PDE1A: variants seen among roughly 807,000 people sequenced by gnomAD.
PDE1A encodes phosphodiesterase 1A, also known as dual specificity calcium/calmodulin-dependent 3',5'-cyclic nucleotide phosphodiesterase 1A.
Under a neutral mutation model 61.7 loss-of-function variants are expected in PDE1A, and 35 were observed. The observed-to-expected ratio is 0.57, with a 90% CI of 0.43 to 0.75. The LOEUF is 0.75. Ranked by LOEUF, PDE1A falls within the 30% of genes least tolerant of loss-of-function variation. The pLI, the probability that PDE1A is intolerant of heterozygous loss-of-function variation, is 0.00. For missense variants in PDE1A, 597 were observed against 630.6 expected, an observed-to-expected ratio of 0.95 and a Z score of 0.57; for synonymous variants, 232 against 213.2, an observed-to-expected ratio of 1.09 and a Z score of -0.77.
the PDE1A span, among the ~76,000 whole-genome samples, chr2:182,567,779 TTTTC>T: frequency 6.6e-6 from 1 of 151,470 alleles, no homozygotes; most frequent in Non-Finnish European, 1.5e-5. Flanking sequence ...TTTACTTTTT[TTTTC>T]TTTTTTTCTT....
At chr2:182,463,722 T>G (rs1172977348) in intron 2 of PDE1A, 2 of 152,060 alleles carry the variant, frequency 1.3e-5, no homozygotes, top group African/African-American at 4.8e-5. Flanking sequence ...TAATATTGAT[T>G]AACAAAACTA....
rs982771355 is a variant in PDE1A at position 182,451,304 on chromosome 2, G to A, written c.101+70972C>T. On this transcript the variant is annotated intron_variant, in intron 2 of 14. Coordinates refer to the PDE1A transcript ENST00000410103. ...TGAGGCAGGAGAATGGCGTGAACCC[G>A]GGAGGCGGAGCTTGCAGTGAGCCGA... Among the ~76,000 whole-genome samples the A allele has an allele frequency of 6.6e-4, 14 of 21,126 alleles. 5 individuals carry two copies. Among genetic ancestry groups the A allele is most frequent in the East Asian group, 0.017 (1 of 60 alleles). 13.9% of individuals were successfully genotyped at this position (21,126 alleles called of 152,430 possible). A position where few individuals can be genotyped will look rare whatever the true frequency, so the allele number is the denominator to read the frequency against.
chr2:182,464,876 CT>C (rs1446943908), intron 2 of PDE1A, among the ~76,000 whole-genome samples: 1 of 152,046 alleles, frequency 6.6e-6, no homozygotes, highest in African/African-American at 2.4e-5. Context: ...GACCCTTTAG[CT>C]TTTTTCATCG....
chr2:182,651,129 C>T, the PDE1A span, among the ~76,000 whole-genome samples: 1 of 152,142 alleles, frequency 6.6e-6, no homozygotes, highest in Non-Finnish European at 1.5e-5. Flanking sequence ...GCCTCAGACT[C>T]CTGAGTAGCT....
At chr2:182,528,630 G>A in the PDE1A span, among the ~76,000 whole-genome samples, 5 of 152,210 alleles carry the variant, frequency 3.3e-5, no homozygotes, top group East Asian at 5.8e-4. Flanking sequence ...TGCCTCCACA[G>A]TATGTCAGAG....
At chr2:182,645,024 T>G in the PDE1A span, among the ~76,000 whole-genome samples, 1 of 149,558 alleles carries the variant, frequency 6.7e-6, no homozygotes, top group Non-Finnish European at 1.5e-5. Flanking sequence ...CTCGCTCTGT[T>G]GCCCAGGCTG....
intron 1 of PDE1A, among the ~76,000 whole-genome samples, chr2:182,302,380 T>A (rs1467967610): frequency 6.6e-6 from 1 of 152,190 alleles, no homozygotes; most frequent in Non-Finnish European, 1.5e-5. Context: ...TCACACAAAT[T>A]TTTTTGTTTC....
At chr2:182,184,785 A>G (rs926951680) in intron 13 of PDE1A, among the ~76,000 whole-genome samples, 1 of 152,170 alleles carries the variant, frequency 6.6e-6, no homozygotes, top group Admixed American at 6.6e-5. Context: ...TATTATCTCT[A>G]TATCACAGCC....
intron 13 of PDE1A, among the ~76,000 whole-genome samples, chr2:182,178,900 G>A (rs1684515650): frequency 6.6e-6 from 1 of 152,022 alleles, no homozygotes; most frequent in African/African-American, 2.4e-5. Context: ...AAACCAATGG[G>A]GGCTGTCTGT....
At chr2:182,514,598 A>T (rs944982297) in intron 2 of PDE1A, among the ~76,000 whole-genome samples, 1 of 152,218 alleles carries the variant, frequency 6.6e-6, no homozygotes, top group East Asian at 1.9e-4. Context: ...AACCATGCTG[A>T]GATAACTGGC....
At chr2:182,291,217 G>A (rs1694511009) in intron 1 of PDE1A, among the ~76,000 whole-genome samples, 1 of 152,020 alleles carries the variant, frequency 6.6e-6, no homozygotes, top group East Asian at 1.9e-4. Flanking sequence ...CATTACCACT[G>A]ATCTTCATAA....
At chr2:182,364,486 A>AAAAAAAAAAAAG (rs1699716020) in intron 1 of PDE1A, among the ~76,000 whole-genome samples, 1 of 147,228 alleles carries the variant, frequency 6.8e-6, no homozygotes, top group Non-Finnish European at 1.5e-5. Context: ...AAAAAAAAAA[A>AAAAAAAAAAAAG]AAAAAAAAAA....
chr2:182,313,212 G>A (rs916778362), intron 1 of PDE1A, among the ~76,000 whole-genome samples: 1 of 152,096 alleles, frequency 6.6e-6, no homozygotes, highest in Admixed American at 6.6e-5. Flanking sequence ...TCAGAAGTTC[G>A]ACAGCAGCCT....
At chr2:182,562,246 T>G in the PDE1A span, among the ~76,000 whole-genome samples, 16 of 152,216 alleles carry the variant, frequency 1.1e-4, no homozygotes, top group East Asian at 1.9e-4. Context: ...CCTAATTTAT[T>G]GAGAGTTTTT....
intron 1 of PDE1A, among the ~76,000 whole-genome samples, chr2:182,280,773 G>GA (rs1205119257): frequency 6.6e-6 from 1 of 151,024 alleles, no homozygotes; most frequent in South Asian, 2.1e-4. Flanking sequence ...TTTCAAGCTG[G>GA]AAAAAAAATC....
the PDE1A span, among the ~76,000 whole-genome samples, chr2:182,564,820 T>TA: frequency 6.6e-6 from 1 of 152,232 alleles, no homozygotes; most frequent in Non-Finnish European, 1.5e-5. Flanking sequence ...CCATCACTGA[T>TA]ACCCTTTCTT....
At chr2:182,532,800 T>C in the PDE1A span, among the ~76,000 whole-genome samples, 2 of 150,550 alleles carry the variant, frequency 1.3e-5, no homozygotes, top group African/African-American at 2.4e-5. Flanking sequence ...TACAAAAAAT[T>C]ATACGGGCGC....
the PDE1A span, among the ~76,000 whole-genome samples, chr2:182,569,254 A>AAT: frequency 0.17 from 23,938 of 138,262 alleles, 2,425 homozygotes; most frequent in Middle Eastern, 0.26. Context: ...ACCTGTCTCA[A>AAT]ATATATATAT....
At chr2:182,590,688 TCTAA>T in the PDE1A span, among the ~76,000 whole-genome samples, 21 of 152,188 alleles carry the variant, frequency 1.4e-4, no homozygotes, top group Admixed American at 5.9e-4. Flanking sequence ...TTATAGATGT[TCTAA>T]CTGATGAACG....
Sources: gnomAD v4.1 joint callset for allele counts (sites outside exome capture counted in the v4.1 genomes callset) on GRCh38, gnomAD v4.1.1 for gene constraint, MANE v1.5 for transcripts, NCBI Gene and HGNC (gene_info 2026-07-23, HGNC 2026-07-21) for gene names.